The following MNAT1 variants were observed in gnomAD, a reference collection of about 807,000 sequenced individuals.
MNAT1 encodes the protein CDK-activating kinase assembly factor MAT1.
A neutral mutation model predicts 42.0 loss-of-function variants in MNAT1; 43 were observed. The observed-to-expected ratio is 1.02, with a 90% CI of 0.80 to 1.32. The LOEUF is 1.32. Ranked by LOEUF, MNAT1 falls within the 40% of genes most tolerant of loss-of-function variation. The probability of loss-of-function intolerance (pLI) is 0.00; values close to 1 mark genes in which losing one functional copy is unlikely to be tolerated. For missense variants in MNAT1, 306 were observed against 350.4 expected (o/e 0.87, Z 1.01); for synonymous variants, 118 against 120.0 (o/e 0.98, Z 0.11).
chr14:60,944,443 A>G (rs1185510557), intron 7 of MNAT1, among the ~76,000 whole-genome samples: 2 of 152,252 alleles, frequency 1.3e-5, no homozygotes, highest in East Asian at 3.8e-4. Flanking sequence ...ATAGAAGGCC[A>G]GGAAGAGAGC....
chr14:60,898,138 T>TGTGTGCGCGC (rs2034999727), intron 7 of MNAT1, among the ~76,000 whole-genome samples: 1 of 19,262 alleles, frequency 5.2e-5, no homozygotes, highest in Admixed American at 5.5e-4. Flanking sequence ...TGTGTGTGTG[T>TGTGTGCGCGC]GTGCGCGCGC....
chr14:60,796,449 T>G (rs1271912061), intron 2 of MNAT1, 80 bp downstream of exon 2: 1 of 1,337,598 alleles, frequency 7.5e-7, no homozygotes, highest in Non-Finnish European at 1.0e-6. Flanking sequence ...TATTTGCTCA[T>G]AAATGTGGAC....
At chr14:60,829,135 C>A (rs2033146243) in intron 6 of MNAT1, among the ~76,000 whole-genome samples, 1 of 152,126 alleles carries the variant, frequency 6.6e-6, no homozygotes. Context: ...AAGTTCCCAA[C>A]ACACTAATTA....
At chr14:60,867,895 A>G (rs2139444002) in intron 6 of MNAT1, among the ~76,000 whole-genome samples, 1 of 152,214 alleles carries the variant, frequency 6.6e-6, no homozygotes, top group African/African-American at 2.4e-5. Flanking sequence ...ACATTTTGAA[A>G]GAAATTAGAG....
intron 7 of MNAT1, among the ~76,000 whole-genome samples, chr14:60,965,103 C>G (rs150978448): frequency 7.9e-5 from 12 of 152,218 alleles, no homozygotes; most frequent in African/African-American, 2.6e-4. Context: ...GGACTCTCAA[C>G]GACTCATACT....
chr14:60,796,429 AATTG>A, intron 2 of MNAT1, 60 bp downstream of exon 2: 1 of 1,470,604 alleles, frequency 6.8e-7, no homozygotes, highest in South Asian at 1.3e-5. Flanking sequence ...TTATGTCAGT[AATTG>A]ATTATTATTT....
chr14:60,912,808 A>T (rs2035404507), intron 7 of MNAT1, among the ~76,000 whole-genome samples: 1 of 151,966 alleles, frequency 6.6e-6, no homozygotes, highest in South Asian at 2.1e-4. Flanking sequence ...TGTGTCTTGG[A>T]GTTGCTCTTC....
chr14:60,968,542 TTACTTA>T lies in MNAT1; in HGVS notation c.*196_*201del. On this transcript the variant is annotated 3_prime_UTR_variant, in exon 8 of 8. Transcript: ENST00000261245. ...GATATATATTTGTGAAAAATAATTT[TTACTTA>T]TATTTTTCAGAGGATTTGACACGAT... is the stretch of plus-strand genomic sequence containing the variant. 7.1e-7 allele frequency: 1 copy of T among 1,402,552 alleles called. No individual in the cohort carries two copies. Among genetic ancestry groups the T allele is most frequent in the Non-Finnish European group, 9.5e-7 (1 of 1,056,458 alleles). 86.9% of individuals were successfully genotyped at this position (1,402,552 alleles called of 1,614,324 possible).
At chr14:60,852,466 T>C (rs2033849349) in intron 6 of MNAT1, among the ~76,000 whole-genome samples, 1 of 152,188 alleles carries the variant, frequency 6.6e-6, no homozygotes, top group Non-Finnish European at 1.5e-5. Context: ...GATGGGTAGA[T>C]TACAGAAATT....
chr14:60,833,532 T>A (rs1384537004), intron 6 of MNAT1, among the ~76,000 whole-genome samples: 1 of 152,248 alleles, frequency 6.6e-6, no homozygotes, highest in African/African-American at 2.4e-5. Flanking sequence ...TGAAGCTGAC[T>A]GGATTGTGGT....
intron 7 of MNAT1, among the ~76,000 whole-genome samples, chr14:60,912,725 G>A (rs1013699601): frequency 2.6e-5 from 4 of 152,138 alleles, no homozygotes; most frequent in Admixed American, 6.5e-5. Context: ...CCCTTTTTGG[G>A]TAACCTGACC....
At chr14:60,735,706 A>G (rs1406972722) in intron 1 of MNAT1, among the ~76,000 whole-genome samples, 1 of 152,158 alleles carries the variant, frequency 6.6e-6, no homozygotes, top group Non-Finnish European at 1.5e-5. Context: ...TAGAACGCCC[A>G]TTTTCAGGGG....
intron 6 of MNAT1, among the ~76,000 whole-genome samples, chr14:60,841,610 T>A (rs996647043): frequency 6.6e-6 from 1 of 152,226 alleles, no homozygotes; most frequent in Non-Finnish European, 1.5e-5. Context: ...TTTCTGTCCT[T>A]TCTGAGTCTG....
intron 7 of MNAT1, among the ~76,000 whole-genome samples, chr14:60,906,966 A>AC (rs4151347): frequency 6.6e-6 from 1 of 151,780 alleles, no homozygotes; most frequent in African/African-American, 2.4e-5. Flanking sequence ...CCACCTTTCC[A>AC]CCCCCCAACC....
chr14:60,956,714 T>A (rs1400383787), intron 7 of MNAT1, among the ~76,000 whole-genome samples: 1 of 152,244 alleles, frequency 6.6e-6, no homozygotes, highest in African/African-American at 2.4e-5. Flanking sequence ...ATTTGTTATA[T>A]CCTCTTGATT....
At chr14:60,959,920 G>GTTTTTTTTTTTTTTTT (rs11359127) in intron 7 of MNAT1, among the ~76,000 whole-genome samples, 1 of 93,184 alleles carries the variant, frequency 1.1e-5, no homozygotes, top group Non-Finnish European at 2.2e-5. Flanking sequence ...TGGTTTTTAT[G>GTTTTTTTTTTTTTTTT]TTTTTTTTTT....
intron 6 of MNAT1, among the ~76,000 whole-genome samples, chr14:60,822,626 G>A (rs917551794): frequency 6.6e-6 from 1 of 150,506 alleles, no homozygotes; most frequent in Non-Finnish European, 1.5e-5. Flanking sequence ...TTTTGGAGAG[G>A]AGGCAGGGTA....
chr14:60,792,443 A>T (rs928910573), intron 1 of MNAT1, among the ~76,000 whole-genome samples: 1 of 152,186 alleles, frequency 6.6e-6, no homozygotes, highest in African/African-American at 2.4e-5. Context: ...CATGGGCTTA[A>T]GGAAGAATTT....
At chr14:60,937,669 C>T (rs2139581302) in intron 7 of MNAT1, among the ~76,000 whole-genome samples, 1 of 152,250 alleles carries the variant, frequency 6.6e-6, no homozygotes, top group African/African-American at 2.4e-5. Context: ...AGCATGATGC[C>T]TCCAGCTTTG....
Sources: allele counts gnomAD v4.1 joint callset (sites outside exome capture counted in the v4.1 genomes callset), GRCh38; gene constraint gnomAD v4.1.1; transcripts MANE v1.5; gene names NCBI Gene and HGNC (gene_info 2026-07-23, HGNC 2026-07-21).